HDAC8: variants seen among roughly 807,000 people sequenced by gnomAD.
The protein encoded by HDAC8 is histone deacetylase-like 1.
HDAC8 carries 1 observed loss-of-function variant against 32.2 expected under a neutral mutation model. That is an observed-to-expected ratio of 0.03 (90% CI 0.01 to 0.15). The LOEUF is 0.15. HDAC8 is among the 10% of genes least tolerant of loss of function. HDAC8 has a pLI of 1.00. For synonymous variants in HDAC8, 108 were observed against 113.9 expected, an observed-to-expected ratio of 0.95 and a Z score of 0.33; for missense variants, 117 against 300.0, an observed-to-expected ratio of 0.39 and a Z score of 4.51.
rs184316358 is a variant in HDAC8 at position 72,387,808 on chromosome X, A to G, written c.1006-35970T>C. Among the ~76,000 whole-genome samples the G allele has an allele frequency of 1.1e-4, 12 of 111,787 alleles. No individual in the cohort carries two copies. The East Asian group carries it at 2.5e-3, about 24-fold the overall frequency. ...GGAATTAGGGATGCAGGGGAGGATCAGACAGTTTTTGCCCTTGAATTTAGT... is the reference window on the plus strand; with the variant it reads ...GGAATTAGGGATGCAGGGGAGGATCGGACAGTTTTTGCCCTTGAATTTAGT... On this transcript the variant is annotated intron_variant, in intron 9 of 10. Coordinates refer to ENST00000373573, the MANE Select transcript of HDAC8 (RefSeq NM_018486.3).
intron 9 of HDAC8, among the ~76,000 whole-genome samples, chrX:72,399,983 TC>T (rs2045862151): frequency 8.9e-6 from 1 of 111,846 alleles, no homozygotes; most frequent in South Asian, 3.8e-4. Context: ...TGGTCAATTC[TC>T]AGTTCTCATC....
At chrX:72,453,757 G>A (rs782753241) in intron 9 of HDAC8, among the ~76,000 whole-genome samples, 1 of 111,975 alleles carries the variant, frequency 8.9e-6, no homozygotes, top group African/African-American at 3.2e-5. Flanking sequence ...TTAGAATCCA[G>A]CTGCCGAAAA....
chrX:72,542,035 G>A (rs1219696556), intron 4 of HDAC8, among the ~76,000 whole-genome samples: 5 of 111,654 alleles, frequency 4.5e-5, no homozygotes, highest in Non-Finnish European at 9.4e-5. Context: ...AAGAAACTGG[G>A]TATTTTTGAC....
intron 9 of HDAC8, among the ~76,000 whole-genome samples, chrX:72,369,195 G>A (rs1242975508): frequency 9.3e-6 from 1 of 107,214 alleles, no homozygotes; most frequent in African/African-American, 3.4e-5. Flanking sequence ...TTTGAAAACT[G>A]AAAATGCATC....
chrX:72,515,450 G>A (rs1340146860), intron 4 of HDAC8, among the ~76,000 whole-genome samples: 1 of 109,723 alleles, frequency 9.1e-6, no homozygotes, highest in Non-Finnish European at 1.9e-5. Flanking sequence ...TAACAGCAGG[G>A]CATGGATAAC....
chrX:72,350,416 A>G (rs2044144968), intron 10 of HDAC8, among the ~76,000 whole-genome samples: 1 of 111,733 alleles, frequency 8.9e-6, no homozygotes. Flanking sequence ...AACTCACAGC[A>G]AAGACTCTCC....
chrX:72,444,933 T>C (rs1330323267), intron 9 of HDAC8, among the ~76,000 whole-genome samples: 9 of 106,004 alleles, frequency 8.5e-5, no homozygotes, highest in Admixed American at 3.1e-4. Context: ...CCATTCACAA[T>C]TGCTTCAAAG....
intron 4 of HDAC8, among the ~76,000 whole-genome samples, chrX:72,535,480 T>G (rs1252523722): frequency 9.0e-6 from 1 of 111,239 alleles, no homozygotes; most frequent in African/African-American, 3.3e-5. Flanking sequence ...GTTTTTATGC[T>G]TTACCTTACA....
intron 9 of HDAC8, among the ~76,000 whole-genome samples, chrX:72,357,867 G>A (rs781977849): frequency 3.2e-4 from 35 of 111,007 alleles, no homozygotes; most frequent in Non-Finnish European, 4.3e-4. Flanking sequence ...AGTTTGAGGC[G>A]CGAAAGCAAA....
At chrX:72,340,044 T>C (rs1602520274) in intron 10 of HDAC8, among the ~76,000 whole-genome samples, 1 of 112,324 alleles carries the variant, frequency 8.9e-6, no homozygotes, top group African/African-American at 3.2e-5. Context: ...ACTTAGAGGA[T>C]ATTACCCTGA....
chrX:72,469,960 C>T (rs934940284), intron 7 of HDAC8, among the ~76,000 whole-genome samples: 1 of 109,857 alleles, frequency 9.1e-6, no homozygotes, highest in Non-Finnish European at 1.9e-5. Context: ...ACCAGCCTGG[C>T]CAACATGATG....
chrX:72,550,901 T>C (rs782292879), intron 4 of HDAC8, among the ~76,000 whole-genome samples: 1 of 111,570 alleles, frequency 9.0e-6, no homozygotes, highest in South Asian at 3.8e-4. Flanking sequence ...TGACCACTTA[T>C]AGCAGTCCCA....
intron 7 of HDAC8, chrX:72,474,619 C>A: frequency 8.4e-7 from 1 of 1,187,600 alleles, no homozygotes; most frequent in Non-Finnish European, 1.1e-6. Flanking sequence ...GATGAGAAAC[C>A]TGATCCTTCA....
rs58102359 is a variant in HDAC8 at position 72,427,602 on chromosome X, TGG to T, written c.1005+34400_1005+34401del. ...TCACACTCTGGGGCCTGTTGTGGGG[TGG>T]GGGGGGGGAGGGATAGCATTAGGAG... On this transcript the variant is annotated intron_variant, in intron 9 of 10. Transcript: ENST00000373573. 2.4e-4 allele frequency among the ~76,000 whole-genome samples: 8 copies of T among 32,979 alleles called. No homozygotes were observed. In the East Asian group the frequency reaches 2.5e-3, roughly 10 times the overall value. The allele number at this position is 32,979 out of a possible 115,157, so 28.6% of individuals were successfully genotyped here.
chrX:72,572,540 T>C, intron 1 of HDAC8, 111 bp downstream of exon 1: 2 of 542,132 alleles, frequency 3.7e-6, no homozygotes, highest in Non-Finnish European at 6.0e-6. Flanking sequence ...TACTCGAAAT[T>C]TCTGAAGATT....
At chrX:72,371,630 T>C (rs782245354) in intron 9 of HDAC8, among the ~76,000 whole-genome samples, 52 of 112,203 alleles carry the variant, frequency 4.6e-4, no homozygotes, top group Non-Finnish European at 8.3e-4. Context: ...TAGGCACTCA[T>C]GTTCATGTAT....
At chrX:72,448,668 T>G (rs2047486327) in intron 9 of HDAC8, among the ~76,000 whole-genome samples, 1 of 111,487 alleles carries the variant, frequency 9.0e-6, no homozygotes, top group African/African-American at 3.3e-5. Context: ...TGGGAGAAAA[T>G]TTTTGCAATC....
intron 4 of HDAC8, among the ~76,000 whole-genome samples, chrX:72,560,526 C>T (rs1556117398): frequency 1.0e-5 from 1 of 99,904 alleles, no homozygotes; most frequent in African/African-American, 3.7e-5. Context: ...CTGCCAAATC[C>T]CCCTCTCCGA....
chrX:72,553,976 T>A (rs2051180365), intron 4 of HDAC8, among the ~76,000 whole-genome samples: 1 of 112,339 alleles, frequency 8.9e-6, no homozygotes. Flanking sequence ...GTGAATTGTC[T>A]ATTTGTGTTT....
Sources: gnomAD v4.1 joint callset for allele counts (sites outside exome capture counted in the v4.1 genomes callset) on GRCh38, gnomAD v4.1.1 for gene constraint, MANE v1.5 for transcripts, NCBI Gene and HGNC (gene_info 2026-07-23, HGNC 2026-07-21) for gene names.